The following XKR9 variants were observed in gnomAD, a reference collection of about 807,000 sequenced individuals.
XKR9 encodes the protein XK-related protein 9.
A neutral mutation model predicts 32.0 loss-of-function variants in XKR9; 32 were observed. The ratio of observed to expected loss-of-function variants is 1.00; its 90% CI spans 0.76 to 1.34. XKR9 has a LOEUF of 1.34. XKR9 is among the 40% of genes most tolerant of loss of function. The probability of loss-of-function intolerance (pLI) is 0.00; values close to 1 mark genes in which losing one functional copy is unlikely to be tolerated. For missense variants in XKR9, 546 were observed against 429.7 expected (o/e 1.27, Z -2.39); for synonymous variants, 168 against 143.4 (o/e 1.17, Z -1.22).
the XKR9 span, among the ~76,000 whole-genome samples, chr8:70,864,851 C>A: frequency 6.6e-6 from 1 of 152,088 alleles, no homozygotes; most frequent in Non-Finnish European, 1.5e-5. Flanking sequence ...TCCAGAATAA[C>A]CTTTTCAGAT....
the XKR9 span, among the ~76,000 whole-genome samples, chr8:70,829,683 C>G: frequency 2.0e-5 from 3 of 152,158 alleles, no homozygotes; most frequent in Admixed American, 6.5e-5. Flanking sequence ...CTCCTCACCT[C>G]GTGATCCTCC....
At chr8:70,812,548 G>A in the XKR9 span, among the ~76,000 whole-genome samples, 55 of 152,272 alleles carry the variant, frequency 3.6e-4, no homozygotes, top group African/African-American at 6.0e-4. Flanking sequence ...AAACCCCATC[G>A]TCTCAGCCCA....
the XKR9 span, among the ~76,000 whole-genome samples, chr8:71,002,770 A>G: frequency 1.3e-5 from 2 of 152,246 alleles, no homozygotes; most frequent in Non-Finnish European, 2.9e-5. Flanking sequence ...CACTGGAGGA[A>G]AGGCCAGGTA....
rs1438506970 is a variant in XKR9, at chr8:70,772,673, A to G, written n.353-16666A>G. Among the ~76,000 whole-genome samples, 10 of 152,298 alleles carry G rather than the reference A, an allele frequency of 6.6e-5. No individual in the cohort carries two copies. The East Asian group carries it at 1.7e-3, about 26-fold the overall frequency. On this transcript the variant is annotated intron_variant and non_coding_transcript_variant, in intron 2 of 3. Coordinates refer to the XKR9 transcript ENST00000520273. ...ATCTTGTGCTCATACCATCGTCGTG[A>G]AATACCATGGCAACTTTTAAAAATT...
chr8:70,921,978 C>T, the XKR9 span, among the ~76,000 whole-genome samples: 1 of 151,940 alleles, frequency 6.6e-6, no homozygotes, highest in Non-Finnish European at 1.5e-5. Context: ...AATGAAGTGA[C>T]TTTGTAATGA....
At chr8:70,998,128 T>C in the XKR9 span, among the ~76,000 whole-genome samples, 1 of 152,358 alleles carries the variant, frequency 6.6e-6, no homozygotes, top group Middle Eastern at 3.4e-3. Context: ...AGCTATGCTC[T>C]AGACTTCAGA....
chr8:70,701,646 AG>A (rs1805540694), intron 3 of XKR9, among the ~76,000 whole-genome samples: 1 of 152,210 alleles, frequency 6.6e-6, no homozygotes, highest in Non-Finnish European at 1.5e-5. Flanking sequence ...AGGTTTGTCC[AG>A]GCTAAGTATT....
intron 3 of XKR9, among the ~76,000 whole-genome samples, chr8:70,694,486 G>A (rs964361654): frequency 7.9e-5 from 12 of 152,174 alleles, no homozygotes; most frequent in Non-Finnish European, 1.8e-4. Flanking sequence ...CCTGCCCAGC[G>A]AAAAAGAATG....
chr8:71,052,884 AG>A, the XKR9 span, among the ~76,000 whole-genome samples: 238 of 152,268 alleles, frequency 1.6e-3, 2 homozygotes, highest in African/African-American at 5.5e-3. Context: ...GACTCTGGAG[AG>A]CACCTGTCTG....
At chr8:71,017,510 G>A in the XKR9 span, among the ~76,000 whole-genome samples, 2 of 152,158 alleles carry the variant, frequency 1.3e-5, no homozygotes, top group Admixed American at 1.3e-4. Flanking sequence ...AACACAAAGA[G>A]GACCTGTCAC....
At chr8:70,898,608 AGTT>A in the XKR9 span, among the ~76,000 whole-genome samples, 1 of 152,130 alleles carries the variant, frequency 6.6e-6, no homozygotes, top group Non-Finnish European at 1.5e-5. Flanking sequence ...GTTTTGTGTA[AGTT>A]TCACATATTT....
the XKR9 span, among the ~76,000 whole-genome samples, chr8:70,943,605 A>G: frequency 6.6e-6 from 1 of 152,138 alleles, no homozygotes; most frequent in Non-Finnish European, 1.5e-5. Context: ...AATGCAAGGT[A>G]ATAGGTCTTT....
chr8:71,022,930 C>T, the XKR9 span, among the ~76,000 whole-genome samples: 117 of 151,234 alleles, frequency 7.7e-4, 2 homozygotes, highest in Admixed American at 6.7e-3. Context: ...TTCAGGTCCA[C>T]GGTTTCTGCT....
chr8:70,780,131 T>C (rs1807594076), intron 2 of XKR9, among the ~76,000 whole-genome samples: 2 of 152,018 alleles, frequency 1.3e-5, no homozygotes, highest in African/African-American at 4.8e-5. Context: ...TCAATATTAG[T>C]AATTGTCTTT....
At chr8:70,690,162 A>G (rs1819460235) in intron 3 of XKR9, among the ~76,000 whole-genome samples, 1 of 152,124 alleles carries the variant, frequency 6.6e-6, no homozygotes, top group Non-Finnish European at 1.5e-5. Context: ...ATAGATAAAC[A>G]CGTGTCATGG....
At chr8:71,047,625 T>C in the XKR9 span, among the ~76,000 whole-genome samples, 1 of 152,236 alleles carries the variant, frequency 6.6e-6, no homozygotes, top group Non-Finnish European at 1.5e-5. Context: ...GTTCTGTACA[T>C]ACTGAATTTG....
the XKR9 span, among the ~76,000 whole-genome samples, chr8:70,856,287 A>G: frequency 1.3e-5 from 2 of 152,190 alleles, no homozygotes; most frequent in African/African-American, 4.8e-5. Flanking sequence ...AGGAAGATCT[A>G]CCAAGCAAAT....
At chr8:70,720,793 G>A (rs1051680622) in intron 4 of XKR9, among the ~76,000 whole-genome samples, 1 of 152,126 alleles carries the variant, frequency 6.6e-6, no homozygotes, top group Non-Finnish European at 1.5e-5. Flanking sequence ...CCATGTTTTG[G>A]TGACAGGATG....
rs1460273036 is a variant in XKR9 at position 70,671,467 on chromosome 8, A to G, written c.-361+1929A>G. ...CATCTAGCATTAGGTATATCTCCCA[A>G]TGCTATCCCTCCCCCCTTCCCCGAC... On this transcript the variant is annotated intron_variant, in intron 1 of 4. Transcript: ENST00000408926. Among the ~76,000 whole-genome samples, 11 of 83,880 alleles carry G rather than the reference A, an allele frequency of 1.3e-4. 2 individuals are homozygous for G. The highest frequency in any genetic ancestry group is 5.8e-4 in the Admixed American group (5 of 8,558). The allele number at this position is 83,880 out of a possible 152,430, so 55.0% of individuals were successfully genotyped here.
Sources: gnomAD v4.1 joint callset for allele counts (sites outside exome capture counted in the v4.1 genomes callset) on GRCh38, gnomAD v4.1.1 for gene constraint, MANE v1.5 for transcripts, NCBI Gene and HGNC (gene_info 2026-07-23, HGNC 2026-07-21) for gene names.